Variants in DLGAP4 observed in about 807,000 individuals in gnomAD.
DLGAP4 encodes disks large-associated protein 4.
Under a neutral mutation model 86.9 loss-of-function variants are expected in DLGAP4, and 18 were observed. The observed-to-expected ratio is 0.21, with a 90% CI of 0.14 to 0.31. DLGAP4 has a LOEUF of 0.31. DLGAP4 is among the 10% of genes least tolerant of loss of function. The probability of loss-of-function intolerance (pLI) is 1.00; values close to 1 mark genes in which losing one functional copy is unlikely to be tolerated. For synonymous variants in DLGAP4, 548 were observed against 574.3 expected (o/e 0.95, Z 0.65); for missense variants, 1,085 against 1,362.6 (o/e 0.80, Z 3.21).
intron 2 of DLGAP4, among the ~76,000 whole-genome samples, chr20:36,391,005 C>T (rs895083707): frequency 2.0e-5 from 3 of 152,202 alleles, no homozygotes; most frequent in Admixed American, 2.0e-4. Context: ...AGACTAAGCT[C>T]TGAGCTCTGG....
At chr20:36,499,350 T>TCCCACCTCCCG in intron 8 of DLGAP4, 1 of 1,545,004 alleles carries the variant, frequency 6.5e-7, no homozygotes, top group Non-Finnish European at 8.8e-7. Context: ...CTCCACCCCA[T>TCCCACCTCCCG]CCCACCTCCC....
chr20:36,444,384 G>A (rs2033534901), intron 6 of DLGAP4, among the ~76,000 whole-genome samples: 1 of 152,020 alleles, frequency 6.6e-6, no homozygotes, highest in Non-Finnish European at 1.5e-5. Flanking sequence ...CCCAGGCTCA[G>A]GTGATCCTCC....
At chr20:36,369,316 G>C (rs1342434344) in intron 2 of DLGAP4, among the ~76,000 whole-genome samples, 4 of 152,056 alleles carry the variant, frequency 2.6e-5, no homozygotes, top group Non-Finnish European at 5.9e-5. Context: ...ATGGCTGCCG[G>C]GCATGGTGGC....
At chr20:36,509,868 T>C (rs577598341) in intron 10 of DLGAP4, among the ~76,000 whole-genome samples, 99 of 152,282 alleles carry the variant, frequency 6.5e-4, no homozygotes, top group Non-Finnish European at 9.3e-4. Context: ...GTCTTTTTTT[T>C]TTTTTGAGAC....
intron 4 of DLGAP4, among the ~76,000 whole-genome samples, chr20:36,437,220 A>G (rs910917758): frequency 5.9e-5 from 9 of 152,182 alleles, no homozygotes; most frequent in Non-Finnish European, 1.0e-4. Flanking sequence ...AGCCCGGCCA[A>G]TTGGAGAACT....
At chr20:36,514,038 G>C (rs1452802529) in intron 10 of DLGAP4, among the ~76,000 whole-genome samples, 1 of 152,198 alleles carries the variant, frequency 6.6e-6, no homozygotes, top group Non-Finnish European at 1.5e-5. Context: ...TGCCTAATAA[G>C]TAGAGAAGAC....
Position 36,432,412 on chromosome 20 carries a change from G to A in DLGAP4, c.695G>A (p.Arg232His), listed in dbSNP as rs141000110. ...GPASGLMTLG[R>H]QAERSQPRYF... is the part of the protein sequence containing the mutation. ...GCCTCTGGGCTGATGACACTAGGCC[G>A]CCAGGCAGAACGCAGCCAGCCACGC... Residue 232 changes from arginine to histidine, a missense_variant, in exon 3 of 13, where the codon CGC (arginine) becomes CAC (histidine). Arg to His is a conservative substitution (Grantham distance 29). Around this residue, in one of 2 missense-constraint regions of DLGAP4, gnomAD observed 1,082 missense variants for 1,344.1 expected, o/e 0.81. Transcript: ENST00000339266. The surrounding 1 kb of genome is among the most constrained non-coding windows in gnomAD (Gnocchi z 6.5). The A allele has an allele frequency of 1.2e-4, 192 of 1,613,558 alleles. No individual in the cohort carries two copies. Among genetic ancestry groups the A allele is most frequent in the Admixed American group, 1.5e-4 (9 of 60,010 alleles).
At chr20:36,372,210 G>A (rs2030968603) in intron 2 of DLGAP4, among the ~76,000 whole-genome samples, 1 of 152,196 alleles carries the variant, frequency 6.6e-6, no homozygotes, top group Admixed American at 6.5e-5. Context: ...CATCCCTGAC[G>A]GTGCTGCTGC....
chr20:36,467,283 A>G (rs528257705), intron 7 of DLGAP4, among the ~76,000 whole-genome samples: 1 of 152,326 alleles, frequency 6.6e-6, no homozygotes, highest in Non-Finnish European at 1.5e-5. Context: ...CAGAGGAAAC[A>G]AGAGCCCTTT....
chr20:36,410,918 T>C (rs2032479974), intron 2 of DLGAP4, among the ~76,000 whole-genome samples: 1 of 152,208 alleles, frequency 6.6e-6, no homozygotes, highest in Non-Finnish European at 1.5e-5. Flanking sequence ...TGGCTCTCCT[T>C]GTGTCCCCAT....
intron 4 of DLGAP4, among the ~76,000 whole-genome samples, chr20:36,436,955 T>A (rs1041220292): frequency 5.3e-5 from 8 of 151,962 alleles, no homozygotes; most frequent in Admixed American, 6.6e-5. Flanking sequence ...TAAGTACAAG[T>A]CCCGCTCACC....
chr20:36,428,756 A>T (rs1178471738), intron 2 of DLGAP4, among the ~76,000 whole-genome samples: 1 of 152,206 alleles, frequency 6.6e-6, no homozygotes, highest in African/African-American at 2.4e-5. Context: ...ACTTTGTCTC[A>T]TAGGATGTTC....
At chr20:36,436,499 T>A (rs896239703) in intron 4 of DLGAP4, 149 bp downstream of exon 4, 15 of 1,339,748 alleles carry the variant, frequency 1.1e-5, no homozygotes, top group Non-Finnish European at 1.4e-5. Context: ...TCATGAGTCC[T>A]GCTTCTTGAG....
chr20:36,367,637 A>G (rs6029570), intron 2 of DLGAP4, among the ~76,000 whole-genome samples: 5,778 of 152,260 alleles, frequency 0.038, 360 homozygotes, highest in African/African-American at 0.13. Context: ...GAAGGGAGCC[A>G]TGAGCTGTGC....
intron 2 of DLGAP4, among the ~76,000 whole-genome samples, chr20:36,385,350 T>C (rs1353643609): frequency 6.6e-6 from 1 of 152,036 alleles, no homozygotes; most frequent in African/African-American, 2.4e-5. Flanking sequence ...CACTGCCCTG[T>C]AGATGGTTTT....
intron 1 of DLGAP4, among the ~76,000 whole-genome samples, chr20:36,337,128 ACTG>A (rs1555892166): frequency 1.3e-5 from 2 of 152,078 alleles, no homozygotes; most frequent in African/African-American, 4.8e-5. Context: ...CGCATCAGAA[ACTG>A]GGTCTCAGAG....
At chr20:36,512,019 T>C (rs1214936212) in intron 10 of DLGAP4, among the ~76,000 whole-genome samples, 2 of 151,836 alleles carry the variant, frequency 1.3e-5, no homozygotes, top group East Asian at 3.9e-4. Context: ...TTATATTGTT[T>C]GCTAAGAATG....
chr20:36,309,335 G>T lies in DLGAP4; in HGVS notation c.-304+2823G>T, dbSNP rs970157299. On this transcript the variant is annotated intron_variant, in intron 1 of 12. Coordinates refer to ENST00000339266, the MANE Select transcript of DLGAP4 (RefSeq NM_001365621.2). ...GGCAGGGTCGTGCCTGTCTCTTCACGCCATTCCTCTGGTGCTGAGAAGATG... is the reference window on the plus strand; with the variant it reads ...GGCAGGGTCGTGCCTGTCTCTTCACTCCATTCCTCTGGTGCTGAGAAGATG... Among the ~76,000 whole-genome samples the T allele has an allele frequency of 9.9e-5, 15 of 152,264 alleles. 1 individual carries two copies. The highest frequency in any genetic ancestry group is 3.4e-4 in the African/African-American group (14 of 41,554).
At chr20:36,313,540 C>A (rs2065070613) in intron 1 of DLGAP4, among the ~76,000 whole-genome samples, 1 of 146,888 alleles carries the variant, frequency 6.8e-6, no homozygotes, top group Non-Finnish European at 1.5e-5. Context: ...GCAGTGACAG[C>A]TCTGGGGTGG....
Sources: allele counts gnomAD v4.1 joint callset (sites outside exome capture counted in the v4.1 genomes callset), GRCh38; gene constraint gnomAD v4.1.1; regional missense constraint gnomAD v4.1.1; non-coding constraint Gnocchi (gnomAD v3.1); transcripts MANE v1.5; gene names NCBI Gene and HGNC (gene_info 2026-07-23, HGNC 2026-07-21).